The following FHIT variants were observed in gnomAD, a reference collection of about 807,000 sequenced individuals.
The protein encoded by FHIT is bis(5'-adenosyl)-triphosphatase.
A neutral mutation model predicts 17.9 loss-of-function variants in FHIT; 19 were observed. That is an observed-to-expected ratio of 1.06 (90% CI 0.74 to 1.56). The LOEUF (loss-of-function observed/expected upper bound fraction) is 1.56, where lower values mean the gene tolerates loss of function less well. Ranked by LOEUF, FHIT falls within the 40% of genes most tolerant of loss-of-function variation. The pLI is 0.00. For missense variants in FHIT, 248 were observed against 189.2 expected (o/e 1.31, Z -1.82); for synonymous variants, 81 against 69.7 (o/e 1.16, Z -0.81).
chr3:60,485,786 T>C (rs746708218), intron 5 of FHIT, among the ~76,000 whole-genome samples: 1 of 152,116 alleles, frequency 6.6e-6, no homozygotes. Context: ...AAATTTTTTT[T>C]AAATAAAGAA....
At chr3:60,415,646 T>C (rs577195431) in intron 5 of FHIT, among the ~76,000 whole-genome samples, 27 of 151,664 alleles carry the variant, frequency 1.8e-4, no homozygotes, top group Non-Finnish European at 2.9e-4. Context: ...TCCACTGATA[T>C]TACACTGGAC....
intron 8 of FHIT, among the ~76,000 whole-genome samples, chr3:59,776,176 C>T (rs906603520): frequency 1.1e-4 from 17 of 152,240 alleles, no homozygotes; most frequent in Non-Finnish European, 1.8e-4. Flanking sequence ...GGGAATGGGC[C>T]TTCCTCCTGG....
Position 60,965,071 on chromosome 3 carries a change from G to T in FHIT, c.-111+76976C>A, listed in dbSNP as rs193214282. Among the ~76,000 whole-genome samples the T allele has an allele frequency of 3.7e-4, 57 of 152,214 alleles. 2 individuals carry two copies. The East Asian group carries it at 0.01, about 27-fold the overall frequency. The stretch of plus-strand genomic sequence containing the variant: ...TCCTCATCACTTTCAGGTACACCAA[G>T]CAGACGTAGATTTGGTCTTTTCACA... On this transcript the variant is annotated intron_variant, in intron 3 of 9. Coordinates refer to ENST00000492590, the MANE Select transcript of FHIT (RefSeq NM_002012.4).
chr3:59,781,111 A>G (rs1183664239), intron 8 of FHIT, among the ~76,000 whole-genome samples: 1 of 152,198 alleles, frequency 6.6e-6, no homozygotes, highest in Admixed American at 6.6e-5. Context: ...AGAAAAAGGC[A>G]TGTAGGATCT....
chr3:59,792,521 G>A (rs867952952), intron 8 of FHIT, among the ~76,000 whole-genome samples: 2 of 152,124 alleles, frequency 1.3e-5, no homozygotes, highest in Non-Finnish European at 2.9e-5. Flanking sequence ...GGGTGGTGGG[G>A]TGGACTGACA....
chr3:59,907,205 A>T (rs1023033996), intron 8 of FHIT, among the ~76,000 whole-genome samples: 33 of 152,172 alleles, frequency 2.2e-4, no homozygotes, highest in African/African-American at 7.7e-4. Flanking sequence ...TTCCTTCCCC[A>T]CACTTCCATG....
At chr3:60,791,935 T>C (rs1700791750) in intron 4 of FHIT, among the ~76,000 whole-genome samples, 1 of 152,222 alleles carries the variant, frequency 6.6e-6, no homozygotes. Context: ...CTTACTATTT[T>C]ATCATATTCA....
intron 5 of FHIT, among the ~76,000 whole-genome samples, chr3:60,265,491 A>G (rs1706525037): frequency 6.6e-6 from 1 of 152,148 alleles, no homozygotes; most frequent in East Asian, 1.9e-4. Flanking sequence ...AACCTTCATG[A>G]GTACGGATTA....
At chr3:60,823,189 C>A (rs1575568082) in intron 3 of FHIT, among the ~76,000 whole-genome samples, 1 of 152,040 alleles carries the variant, frequency 6.6e-6, no homozygotes, top group Admixed American at 6.6e-5. Flanking sequence ...AGGAGACAAA[C>A]AAACAAAATA....
At chr3:61,241,481 C>G (rs1272180857) in intron 1 of FHIT, among the ~76,000 whole-genome samples, 2 of 152,150 alleles carry the variant, frequency 1.3e-5, no homozygotes, top group Non-Finnish European at 2.9e-5. Context: ...AAATAAAAAT[C>G]TTGTTCTTAC....
intron 5 of FHIT, among the ~76,000 whole-genome samples, chr3:60,245,641 A>G (rs1705357338): frequency 6.6e-6 from 1 of 152,154 alleles, no homozygotes; most frequent in South Asian, 2.1e-4. Context: ...ATTTGTAAAG[A>G]TAATCAAGCA....
At chr3:60,730,067 C>T in intron 4 of FHIT, 1 of 500,832 alleles carries the variant, frequency 2.0e-6, no homozygotes, top group South Asian at 1.6e-5. Context: ...ACCCTCTGGA[C>T]TTCAAAAAAT....
At chr3:60,682,135 C>T (rs2040764235) in intron 4 of FHIT, among the ~76,000 whole-genome samples, 1 of 152,030 alleles carries the variant, frequency 6.6e-6, no homozygotes, top group Non-Finnish European at 1.5e-5. Flanking sequence ...CTACGCCCTG[C>T]TAATTTTTTG....
chr3:61,224,832 T>C (rs2039928801), intron 1 of FHIT, among the ~76,000 whole-genome samples: 1 of 152,236 alleles, frequency 6.6e-6, no homozygotes, highest in African/African-American at 2.4e-5. Context: ...AGCATGTACA[T>C]ATATACATAC....
At chr3:60,990,676 T>C (rs1267532014) in intron 3 of FHIT, among the ~76,000 whole-genome samples, 1 of 152,170 alleles carries the variant, frequency 6.6e-6, no homozygotes, top group African/African-American at 2.4e-5. Flanking sequence ...ATTTGGGAAA[T>C]TGCTTCATTG....
At chr3:60,047,405 TA>T (rs1046949426) in intron 5 of FHIT, among the ~76,000 whole-genome samples, 8 of 152,114 alleles carry the variant, frequency 5.3e-5, no homozygotes, top group Non-Finnish European at 8.8e-5. Context: ...TGACCAATCC[TA>T]AAAGAAAACT....
chr3:60,767,699 G>C (rs922430628), intron 4 of FHIT, among the ~76,000 whole-genome samples: 1 of 152,200 alleles, frequency 6.6e-6, no homozygotes, highest in Non-Finnish European at 1.5e-5. Flanking sequence ...ACAGAAATAA[G>C]AAAGAGGCTT....
chr3:61,119,848 T>A (rs1215223909), intron 2 of FHIT, among the ~76,000 whole-genome samples: 1 of 152,208 alleles, frequency 6.6e-6, no homozygotes, highest in Admixed American at 6.5e-5. Context: ...TAACTAGAAC[T>A]CACATCATCA....
chr3:61,127,522 C>G (rs1388403579), intron 2 of FHIT, among the ~76,000 whole-genome samples: 1 of 151,842 alleles, frequency 6.6e-6, no homozygotes, highest in East Asian at 1.9e-4. Flanking sequence ...GAAAACAAAC[C>G]CCCCCTGACA....
Sources: allele counts gnomAD v4.1 joint callset (sites outside exome capture counted in the v4.1 genomes callset), GRCh38; gene constraint gnomAD v4.1.1; transcripts MANE v1.5; gene names NCBI Gene and HGNC (gene_info 2026-07-23, HGNC 2026-07-21).